Variants in C1orf21 observed in about 807,000 individuals in gnomAD.
C1orf21 encodes the protein chromosome 1 open reading frame 21, also known as uncharacterized protein C1orf21.
A neutral mutation model predicts 18.7 loss-of-function variants in C1orf21; 3 were observed. That is an observed-to-expected ratio of 0.16 (90% CI 0.07 to 0.42). The LOEUF (loss-of-function observed/expected upper bound fraction) is 0.42, where lower values mean the gene tolerates loss of function less well. C1orf21 is among the 10% of genes least tolerant of loss of function. The pLI, the probability that C1orf21 is intolerant of heterozygous loss-of-function variation, is 0.99. For synonymous variants in C1orf21, 41 were observed against 46.4 expected (o/e 0.88, Z 0.47); for missense variants, 104 against 143.6 (o/e 0.72, Z 1.41).
intron 1 of C1orf21, among the ~76,000 whole-genome samples, chr1:184,470,609 C>T (rs75814930): frequency 0.011 from 1,665 of 152,178 alleles, 31 homozygotes; most frequent in African/African-American, 0.037. Context: ...CCAGGTGTGG[C>T]GGCTCACGCC....
At chr1:184,527,394 C>A (rs949630414) in intron 3 of C1orf21, among the ~76,000 whole-genome samples, 3 of 152,170 alleles carry the variant, frequency 2.0e-5, no homozygotes, top group Non-Finnish European at 4.4e-5. Flanking sequence ...ATATTACACA[C>A]TGACTTATAA....
intron 2 of C1orf21, among the ~76,000 whole-genome samples, chr1:184,479,509 G>C (rs762392896): frequency 2.0e-5 from 3 of 151,946 alleles, no homozygotes; most frequent in South Asian, 2.1e-4. Context: ...GGACTTGTCC[G>C]AGGTTACCCA....
intron 3 of C1orf21, among the ~76,000 whole-genome samples, chr1:184,525,019 A>C (rs1394349734): frequency 6.6e-6 from 1 of 152,068 alleles, no homozygotes; most frequent in East Asian, 1.9e-4. Context: ...AAGAATGGCA[A>C]ATTTTTTTCT....
rs190725647 is a variant in C1orf21 at position 184,488,875 on chromosome 1, G to A, written c.94+11272G>A. Among the ~76,000 whole-genome samples, 47 of 152,296 alleles carry A rather than the reference G, an allele frequency of 3.1e-4. No individual in the cohort carries two copies. In the East Asian group the frequency reaches 8.3e-3, roughly 27 times the overall value. The stretch of plus-strand genomic sequence containing the variant: ...AGCTACTTGGGAGGCTGAGGCGGGA[G>A]AATTGCTTGAACCCAGGAGGCGGAG... On this transcript the variant is annotated intron_variant, in intron 2 of 5. Coordinates refer to ENST00000235307, the MANE Select transcript of C1orf21 (RefSeq NM_030806.4).
intron 2 of C1orf21, 111 bp downstream of exon 2, chr1:184,477,714 C>A: frequency 1.2e-6 from 1 of 816,630 alleles, no homozygotes; most frequent in Non-Finnish European, 1.9e-6. Flanking sequence ...TATTTTGTTA[C>A]ATGCCTAGAA....
chr1:184,496,615 T>C (rs1657898414), intron 2 of C1orf21, among the ~76,000 whole-genome samples: 1 of 152,198 alleles, frequency 6.6e-6, no homozygotes, highest in Non-Finnish European at 1.5e-5. Context: ...TTGAAAATTA[T>C]TGAATTCTGG....
chr1:184,580,453 A>G (rs1018827630), intron 3 of C1orf21, among the ~76,000 whole-genome samples: 9 of 152,274 alleles, frequency 5.9e-5, no homozygotes, highest in Non-Finnish European at 8.8e-5. Context: ...TGAGATGTCT[A>G]TGATGTTGAC....
chr1:184,510,169 G>A (rs1658123146), intron 3 of C1orf21, among the ~76,000 whole-genome samples: 1 of 152,172 alleles, frequency 6.6e-6, no homozygotes, highest in African/African-American at 2.4e-5. Flanking sequence ...TACTTATTAT[G>A]TATTTATTTA....
intron 1 of C1orf21, among the ~76,000 whole-genome samples, chr1:184,414,483 G>A (rs1656415959): frequency 6.6e-6 from 1 of 152,096 alleles, no homozygotes; most frequent in Admixed American, 6.5e-5. Flanking sequence ...CAAAGAGAGG[G>A]CAGATATTAT....
chr1:184,479,862 A>T (rs1198769640), intron 2 of C1orf21, among the ~76,000 whole-genome samples: 1 of 152,014 alleles, frequency 6.6e-6, no homozygotes, highest in Non-Finnish European at 1.5e-5. Flanking sequence ...GACTCAAGCA[A>T]TCTGCCCACC....
intron 3 of C1orf21, among the ~76,000 whole-genome samples, chr1:184,546,310 C>T (rs1193781988): frequency 6.6e-6 from 1 of 152,182 alleles, no homozygotes; most frequent in East Asian, 1.9e-4. Context: ...TGGTGCACAC[C>T]TGTAGTCCCA....
At chr1:184,558,255 G>A (rs1430669750) in intron 3 of C1orf21, among the ~76,000 whole-genome samples, 5 of 151,984 alleles carry the variant, frequency 3.3e-5, no homozygotes, top group Admixed American at 6.6e-5. Context: ...TCACCAATAA[G>A]CTTCTACCAT....
At chr1:184,518,873 A>G (rs1302292118) in intron 3 of C1orf21, among the ~76,000 whole-genome samples, 1 of 152,016 alleles carries the variant, frequency 6.6e-6, no homozygotes. Context: ...CAGGGCCTCA[A>G]ATGAGACCAG....
At chr1:184,474,523 A>G (rs1657542171) in intron 1 of C1orf21, among the ~76,000 whole-genome samples, 1 of 152,236 alleles carries the variant, frequency 6.6e-6, no homozygotes. Flanking sequence ...AACTTTTAAA[A>G]CACAGAAGAA....
Position 184,628,623 on chromosome 1 carries a change from T to C in C1orf21, c.*9067T>C, listed in dbSNP as rs1031799720. 2 of 152,588 alleles carry C rather than the reference T, an allele frequency of 1.3e-5. No individual in the cohort carries two copies. Among genetic ancestry groups the C allele is most frequent in the Admixed American group, 6.5e-5 (1 of 15,276 alleles). The allele number at this position is 152,588 out of a possible 1,614,324, so 9.5% of individuals were successfully genotyped here. Reference sequence around the variant, plus strand: ...TCACAAACAACATAAATGTAAATAATTCAAAACCCTAAAGGAGAGCTGTCC... The same window carrying C: ...TCACAAACAACATAAATGTAAATAACTCAAAACCCTAAAGGAGAGCTGTCC... On this transcript the variant is annotated 3_prime_UTR_variant, in exon 6 of 6. Transcript: ENST00000235307.
chr1:184,492,365 CT>C (rs1175560673), intron 2 of C1orf21, among the ~76,000 whole-genome samples: 32 of 152,192 alleles, frequency 2.1e-4, no homozygotes, highest in African/African-American at 7.5e-4. Flanking sequence ...TATTTACCTG[CT>C]CCCCACACTA....
chr1:184,544,377 T>C (rs1293399476), intron 3 of C1orf21, among the ~76,000 whole-genome samples: 2 of 152,166 alleles, frequency 1.3e-5, no homozygotes, highest in Non-Finnish European at 2.9e-5. Context: ...TGAAGCCTGG[T>C]ATGTGCCCCA....
At chr1:184,550,964 T>G (rs1230143686) in intron 3 of C1orf21, among the ~76,000 whole-genome samples, 1 of 152,230 alleles carries the variant, frequency 6.6e-6, no homozygotes, top group East Asian at 1.9e-4. Flanking sequence ...AAAATGGTTT[T>G]AGAGAGGATA....
intron 5 of C1orf21, chr1:184,599,368 T>C (rs552979512): frequency 2.0e-5 from 3 of 152,346 alleles, no homozygotes; most frequent in South Asian, 2.1e-4. Flanking sequence ...TAAGCTATGA[T>C]GTATATCACT....
Sources: allele counts gnomAD v4.1 joint callset (sites outside exome capture counted in the v4.1 genomes callset), GRCh38; gene constraint gnomAD v4.1.1; transcripts MANE v1.5; gene names NCBI Gene and HGNC (gene_info 2026-07-23, HGNC 2026-07-21).